The following ATXN10 variants were observed in gnomAD, a reference collection of about 807,000 sequenced individuals.
ATXN10 encodes ataxin-10.
A neutral mutation model predicts 52.9 loss-of-function variants in ATXN10; 28 were observed. That is an observed-to-expected ratio of 0.53 (90% CI 0.39 to 0.73). The LOEUF is 0.73. Among genes scored for constraint, ATXN10 ranks in the 30% least tolerant of loss-of-function variants. The pLI is 0.00. For missense variants in ATXN10, 565 were observed against 577.0 expected, an observed-to-expected ratio of 0.98 and a Z score of 0.21; for synonymous variants, 226 against 221.5, an observed-to-expected ratio of 1.02 and a Z score of -0.18.
intron 3 of ATXN10, among the ~76,000 whole-genome samples, chr22:45,698,342 G>A (rs1418061760): frequency 6.6e-6 from 1 of 152,118 alleles, no homozygotes; most frequent in Non-Finnish European, 1.5e-5. Flanking sequence ...GTGAAGTGGG[G>A]GTACTTCATT....
chr22:45,813,976 A>G (rs957254863), intron 10 of ATXN10, among the ~76,000 whole-genome samples: 14 of 152,370 alleles, frequency 9.2e-5, no homozygotes, highest in Admixed American at 6.5e-4. Context: ...GGTTTTTCTC[A>G]TAAATGGTGC....
At position 45,702,241 on chromosome 22, in the gene ATXN10, A is replaced by G. The variant is rs147924126; in HGVS notation, c.489-448A>G. The stretch of plus-strand genomic sequence containing the variant: ...CTGATAGCTAGAGGAGCTAGGAGTT[A>G]TAGCGAGGCTCCTGACTCCAAATTC... On this transcript the variant is annotated intron_variant, in intron 4 of 11. Coordinates refer to ENST00000252934, the MANE Select transcript of ATXN10 (RefSeq NM_013236.4). 2.4e-4 allele frequency among the ~76,000 whole-genome samples: 37 copies of G among 152,348 alleles called. No homozygotes were observed. The East Asian group carries it at 6.4e-3, about 26-fold the overall frequency.
chr22:45,733,143 G>T lies in ATXN10; in HGVS notation c.894+3553G>T, dbSNP rs1925152813. Among the ~76,000 whole-genome samples the T allele has an allele frequency of 6.6e-6, 1 of 152,090 alleles. No individual in the cohort carries two copies. Among genetic ancestry groups the T allele is most frequent in the Non-Finnish European group, 1.5e-5 (1 of 68,014 alleles). ...AGCAAGCCTTGCCTTTTCTCTGAAA[G>T]CTCAAAAAACATTCCTTTTAGCTTT... On this transcript the variant is annotated intron_variant, in intron 7 of 11. Coordinates refer to ENST00000252934, the MANE Select transcript of ATXN10 (RefSeq NM_013236.4). This position sits in a 1 kb window ranked among gnomAD's most constrained non-coding sequence, Gnocchi z 4.4.
At chr22:45,834,916 C>T (rs925989637) in intron 10 of ATXN10, among the ~76,000 whole-genome samples, 9 of 152,152 alleles carry the variant, frequency 5.9e-5, no homozygotes, top group Non-Finnish European at 1.5e-5. Context: ...ACTTCATGGC[C>T]CCAAAACCCT....
In ATXN10 at chr22:45,766,838, GA is replaced by G. The variant is rs1449493562; in HGVS notation, c.1173+26305del. Among the ~76,000 whole-genome samples the G allele has an allele frequency of 7.2e-5, 11 of 152,120 alleles. No homozygotes were observed. Among genetic ancestry groups the G allele is most frequent in the Non-Finnish European group, 1.6e-4 (11 of 68,008 alleles). On this transcript the variant is annotated intron_variant, in intron 9 of 11. Transcript: ENST00000252934. The surrounding 1 kb of genome is among the most constrained non-coding windows in gnomAD (Gnocchi z 4.6). The stretch of plus-strand genomic sequence containing the variant: ...AAAGGAAAAAACCAATAGCCCTACA[GA>G]AAAATGGATAAAAGATATGAATAGA...
At chr22:45,723,091 G>A (rs1924721972) in intron 6 of ATXN10, among the ~76,000 whole-genome samples, 1 of 152,064 alleles carries the variant, frequency 6.6e-6, no homozygotes, top group Non-Finnish European at 1.5e-5. Context: ...TGGGCCACGT[G>A]GAATAGGTGG....
In ATXN10 at chr22:45,826,726, C is replaced by T. The variant is rs555283522; in HGVS notation, c.1238-16265C>T. Among the ~76,000 whole-genome samples, 37 of 152,352 alleles carry T rather than the reference C, an allele frequency of 2.4e-4. No individual in the cohort carries two copies. The highest frequency in any genetic ancestry group is 7.9e-4 in the African/African-American group (33 of 41,586). ...CATGAGGGATAAATTAAGGCATTCA[C>T]AGACGAACAAAAGCTGATGGAGTTT... On this transcript the variant is annotated intron_variant, in intron 10 of 11. Transcript: ENST00000252934. The surrounding 1 kb of genome is among the most constrained non-coding windows in gnomAD (Gnocchi z 5.0).
Position 45,708,532 on chromosome 22 carries a change from A to G in ATXN10, c.647+5685A>G, listed in dbSNP as rs1391209451. On this transcript the variant is annotated intron_variant, in intron 5 of 11. Transcript: ENST00000252934. This position sits in a 1 kb window ranked among gnomAD's most constrained non-coding sequence, Gnocchi z 5.3. ...GATGCCAAACTCGAGGGCCTATCCC[A>G]TTTTTATTAATACCATGTCATGTGT... Among the ~76,000 whole-genome samples, 1 of 152,212 alleles carries G rather than the reference A, an allele frequency of 6.6e-6. No individual in the cohort carries two copies. The highest frequency in any genetic ancestry group is 2.4e-5 in the African/African-American group (1 of 41,460).
chr22:45,773,256 A>T (rs1337672832), intron 9 of ATXN10, among the ~76,000 whole-genome samples: 4 of 152,200 alleles, frequency 2.6e-5, no homozygotes, highest in Non-Finnish European at 5.9e-5. Flanking sequence ...GGGATTCTCT[A>T]CATAAACAAT....
At chr22:45,803,474 A>G (rs1927994536) in intron 9 of ATXN10, among the ~76,000 whole-genome samples, 1 of 152,152 alleles carries the variant, frequency 6.6e-6, no homozygotes, top group Non-Finnish European at 1.5e-5. Context: ...ATGTTCTTCT[A>G]GCCAAACAAA....
chr22:45,672,081 G>A lies in ATXN10; in HGVS notation c.18G>A (p.Pro6=), dbSNP rs1303572551. The change falls in exon 1 of 12, where the codon CCG becomes CCA. Residue 6 remains proline, a synonymous_variant. Coordinates refer to ENST00000252934, the MANE Select transcript of ATXN10 (RefSeq NM_013236.4). The stretch of plus-strand genomic sequence containing the variant: ...GCGGCAAGATGGCGGCGCCCAGGCC[G>A]CCGCCTGCCAGGCTGTCGGGCGTCA... MAAPR[P]PPARLSGVMV... The A allele has an allele frequency of 2.2e-5, 34 of 1,537,516 alleles. No individual in the cohort carries two copies. The highest frequency in any genetic ancestry group is 2.8e-5 in the Non-Finnish European group (32 of 1,145,114).
chr22:45,738,886 C>A, intron 8 of ATXN10, 47 bp downstream of exon 8: 1 of 1,439,778 alleles, frequency 6.9e-7, no homozygotes, highest in Non-Finnish European at 9.8e-7. Flanking sequence ...AAATCTTTGG[C>A]TTGTCATACT....
At chr22:45,686,595 A>G (rs2146733583) in intron 1 of ATXN10, among the ~76,000 whole-genome samples, 1 of 152,240 alleles carries the variant, frequency 6.6e-6, no homozygotes, top group African/African-American at 2.4e-5. Context: ...CGAGGCGGGC[A>G]GATCACGAGG....
intron 9 of ATXN10, among the ~76,000 whole-genome samples, chr22:45,777,938 T>C (rs945167000): frequency 6.6e-6 from 1 of 152,360 alleles, no homozygotes; most frequent in East Asian, 1.9e-4. Flanking sequence ...GAGGATTTAA[T>C]GTAGGGGTGA....
chr22:45,788,157 C>G (rs1465509230), intron 9 of ATXN10, among the ~76,000 whole-genome samples: 1 of 152,084 alleles, frequency 6.6e-6, no homozygotes, highest in African/African-American at 2.4e-5. Flanking sequence ...TGAGCCCAGA[C>G]ATGTCCCTGG....
rs9626454 is a variant in ATXN10, at chr22:45,828,681, A to G, written c.1238-14310A>G. On this transcript the variant is annotated intron_variant, in intron 10 of 11. Coordinates refer to ENST00000252934, the MANE Select transcript of ATXN10 (RefSeq NM_013236.4). The surrounding 1 kb of genome is among the most constrained non-coding windows in gnomAD (Gnocchi z 4.5). ...ACAAATTCCTAGAAACTCAAAACCT[A>G]TTATAAAATATGGATAGACCTAGTT... Among the ~76,000 whole-genome samples the G allele has an allele frequency of 0.038, 5,765 of 152,314 alleles. 388 individuals carry two copies. Among genetic ancestry groups the G allele is most frequent in the African/African-American group, 0.13 (5,500 of 41,540 alleles).
Position 45,780,342 on chromosome 22 carries a change from C to T in ATXN10, c.1174-26617C>T, listed in dbSNP as rs564908331. 9.2e-5 allele frequency among the ~76,000 whole-genome samples: 14 copies of T among 152,224 alleles called. No homozygotes were observed. The highest frequency in any genetic ancestry group is 2.1e-4 in the Non-Finnish European group (14 of 68,036). On this transcript the variant is annotated intron_variant, in intron 9 of 11. Coordinates refer to ENST00000252934, the MANE Select transcript of ATXN10 (RefSeq NM_013236.4). The surrounding 1 kb of genome is among the most constrained non-coding windows in gnomAD (Gnocchi z 4.0). ...CAAATGATCCACCCGCTTCAGCCTC[C>T]CAAATTGCTGGGATTACAGGCATGA...
chr22:45,734,871 A>G (rs2146795565), intron 7 of ATXN10, among the ~76,000 whole-genome samples: 1 of 145,182 alleles, frequency 6.9e-6, no homozygotes, highest in South Asian at 2.2e-4. Context: ...AATGGGTTAT[A>G]TTATTATTAT....
intron 5 of ATXN10, among the ~76,000 whole-genome samples, chr22:45,710,108 G>C (rs766048316): frequency 3.9e-5 from 6 of 152,190 alleles, no homozygotes; most frequent in Non-Finnish European, 8.8e-5. Context: ...TACTGTAGCT[G>C]TTGTCACTCC....
Sources: gnomAD v4.1 joint callset for allele counts (sites outside exome capture counted in the v4.1 genomes callset) on GRCh38, gnomAD v4.1.1 for gene constraint, Gnocchi (gnomAD v3.1) non-coding constraint, MANE v1.5 for transcripts, NCBI Gene and HGNC (gene_info 2026-07-23, HGNC 2026-07-21) for gene names.